The following TMEM132B variants were observed in gnomAD, a reference collection of about 807,000 sequenced individuals.
TMEM132B encodes the protein transmembrane protein 132B.
Under a neutral mutation model 90.8 loss-of-function variants are expected in TMEM132B, and 18 were observed. That is an observed-to-expected ratio of 0.20 (90% CI 0.14 to 0.29). The LOEUF is 0.29. Ranked by LOEUF, TMEM132B falls within the 10% of genes least tolerant of loss-of-function variation. TMEM132B has a pLI of 1.00. For missense variants in TMEM132B, 1,096 were observed against 1,326.8 expected (o/e 0.83, Z 2.70); for synonymous variants, 504 against 523.3 (o/e 0.96, Z 0.50).
chr12:125,349,536 A>C lies in TMEM132B; in HGVS notation c.152A>C (p.Asn51Thr), dbSNP rs750161667. 1 of 1,614,186 alleles carries C rather than the reference A, an allele frequency of 6.2e-7. No individual in the cohort carries two copies. The highest frequency in any genetic ancestry group is 2.2e-5 in the East Asian group (1 of 44,874). The stretch of plus-strand genomic sequence containing the variant: ...CTCCCCACGAACTTGCACATCTCCA[A>C]TGCAGAGGAGTCCTTTTTCCTTAAA... ...AYLPTNLHIS[N>T]AEESFFLKEA... is the part of the protein sequence containing the mutation. Residue 51 changes from asparagine to threonine, a missense_variant, in exon 2 of 9, where the codon AAT becomes ACT. Physicochemically the swap from Asn to Thr is moderately conservative, Grantham distance 65. Transcript: ENST00000682704. This position sits in a 1 kb window ranked among gnomAD's most constrained non-coding sequence, Gnocchi z 4.1.
At chr12:125,441,126 C>T (rs764249875) in intron 3 of TMEM132B, among the ~76,000 whole-genome samples, 9 of 152,144 alleles carry the variant, frequency 5.9e-5, no homozygotes, top group Non-Finnish European at 1.3e-4. Context: ...TTTGTCTCTA[C>T]ATGATAGGGT....
At chr12:125,632,394 G>C (rs1886386792) in intron 5 of TMEM132B, among the ~76,000 whole-genome samples, 2 of 152,006 alleles carry the variant, frequency 1.3e-5, no homozygotes, top group African/African-American at 4.8e-5. Context: ...TCATCATTAA[G>C]TCTCTCTACT....
chr12:125,356,178 C>T (rs187523348), intron 2 of TMEM132B, among the ~76,000 whole-genome samples: 1 of 152,280 alleles, frequency 6.6e-6, no homozygotes, highest in African/African-American at 2.4e-5. Context: ...TCTCAGCTCA[C>T]ACAGAGAGCC....
intron 1 of TMEM132B, among the ~76,000 whole-genome samples, chr12:125,240,242 G>A (rs983135801): frequency 1.3e-4 from 20 of 152,170 alleles, no homozygotes; most frequent in Admixed American, 5.2e-4. Flanking sequence ...CTGGGCTATG[G>A]CTGTCACCCT....
At chr12:125,652,336 C>A in intron 7 of TMEM132B, 105 bp from the exon 8 acceptor site, 1 of 1,051,696 alleles carries the variant, frequency 9.5e-7, no homozygotes, top group Non-Finnish European at 1.4e-6. Context: ...CAAATGCATG[C>A]ATTGAGCCAA....
chr12:125,205,780 C>T (rs986233320), intron 1 of TMEM132B, among the ~76,000 whole-genome samples: 1 of 152,218 alleles, frequency 6.6e-6, no homozygotes, highest in African/African-American at 2.4e-5. Context: ...CCTTGGAAAC[C>T]ACGTCCGTCG....
At chr12:125,510,769 GT>G (rs995802887) in intron 3 of TMEM132B, among the ~76,000 whole-genome samples, 5 of 152,036 alleles carry the variant, frequency 3.3e-5, no homozygotes, top group African/African-American at 9.6e-5. Context: ...TACCATGCAT[GT>G]TTTTTTGCAG....
chr12:125,297,983 T>G (rs191880575), intron 1 of TMEM132B, among the ~76,000 whole-genome samples: 3 of 152,364 alleles, frequency 2.0e-5, no homozygotes, highest in East Asian at 1.9e-4. Flanking sequence ...CTTGGCATGA[T>G]GGCTCATGCT....
intron 1 of TMEM132B, among the ~76,000 whole-genome samples, chr12:125,210,590 A>T (rs1873297894): frequency 6.6e-6 from 1 of 151,720 alleles, no homozygotes; most frequent in Non-Finnish European, 1.5e-5. Context: ...GAAGGAAGCT[A>T]CTGCTGTCGT....
At chr12:125,368,318 A>G (rs1878192867) in intron 2 of TMEM132B, among the ~76,000 whole-genome samples, 1 of 152,122 alleles carries the variant, frequency 6.6e-6, no homozygotes, top group South Asian at 2.1e-4. Flanking sequence ...GTTGCATCCT[A>G]TGAGGTTGTG....
chr12:125,188,852 C>CCAA (rs770064964), intron 1 of TMEM132B, among the ~76,000 whole-genome samples: 3 of 91,240 alleles, frequency 3.3e-5, no homozygotes, highest in Non-Finnish European at 6.2e-5. Flanking sequence ...GGAGGGATGG[C>CCAA]AAAAAAAAAA....
chr12:125,532,875 C>T (rs541228220), intron 4 of TMEM132B, among the ~76,000 whole-genome samples: 4 of 152,186 alleles, frequency 2.6e-5, no homozygotes, highest in Admixed American at 2.0e-4. Context: ...CTGTTGACAG[C>T]GAACTAGATT....
chr12:125,357,483 C>T (rs1055653259), intron 2 of TMEM132B, among the ~76,000 whole-genome samples: 16 of 152,156 alleles, frequency 1.1e-4, no homozygotes, highest in African/African-American at 3.9e-4. Context: ...CATATGAATG[C>T]ATTTAGAAAG....
chr12:125,194,598 C>T (rs1268793969), intron 1 of TMEM132B, among the ~76,000 whole-genome samples: 3 of 152,040 alleles, frequency 2.0e-5, no homozygotes, highest in South Asian at 2.1e-4. Context: ...ACTCTGCCGA[C>T]GTATTTATGT....
intron 3 of TMEM132B, among the ~76,000 whole-genome samples, chr12:125,489,278 G>A (rs1470021794): frequency 6.6e-6 from 1 of 152,020 alleles, no homozygotes; most frequent in Non-Finnish European, 1.5e-5. Flanking sequence ...AGAAAACTGA[G>A]GCTGAGAGAA....
chr12:125,602,219 A>G (rs1256227830), intron 5 of TMEM132B, among the ~76,000 whole-genome samples: 1 of 152,218 alleles, frequency 6.6e-6, no homozygotes, highest in Non-Finnish European at 1.5e-5. Context: ...CCTCAATAAA[A>G]TACTGGCAAA....
chr12:125,615,165 A>C (rs1407258817), intron 5 of TMEM132B, among the ~76,000 whole-genome samples: 1 of 152,076 alleles, frequency 6.6e-6, no homozygotes, highest in Non-Finnish European at 1.5e-5. Context: ...CTCTGTCTCT[A>C]TTCTACTTGA....
intron 4 of TMEM132B, among the ~76,000 whole-genome samples, chr12:125,523,391 C>T (rs1239704838): frequency 6.6e-6 from 1 of 152,066 alleles, no homozygotes; most frequent in Non-Finnish European, 1.5e-5. Flanking sequence ...ATCTCTGCTT[C>T]CATCATTGTA....
chr12:125,302,139 G>C (rs957784007), intron 1 of TMEM132B, among the ~76,000 whole-genome samples: 1 of 152,142 alleles, frequency 6.6e-6, no homozygotes, highest in African/African-American at 2.4e-5. Context: ...GGCGGAGGTT[G>C]CAGTGAGCTG....
Sources: allele counts gnomAD v4.1 joint callset (sites outside exome capture counted in the v4.1 genomes callset), GRCh38; gene constraint gnomAD v4.1.1; non-coding constraint Gnocchi (gnomAD v3.1); transcripts MANE v1.5; gene names NCBI Gene and HGNC (gene_info 2026-07-23, HGNC 2026-07-21).